AKR1C8: variants seen among roughly 807,000 people sequenced by gnomAD.
The protein encoded by AKR1C8 is aldo-keto reductase family 1 member C-like protein 1.
At chr10:5,122,423 T>G in the AKR1C8 span, among the ~76,000 whole-genome samples, 1 of 151,978 alleles carries the variant, frequency 6.6e-6, no homozygotes, top group Non-Finnish European at 1.5e-5. Flanking sequence ...TTCTAGAAAA[T>G]TGCTTGAGAC....
At chr10:5,134,968 G>C in the AKR1C8 span, among the ~76,000 whole-genome samples, 2 of 152,156 alleles carry the variant, frequency 1.3e-5, no homozygotes, top group African/African-American at 4.8e-5. Flanking sequence ...AGACCCCAAT[G>C]CAGAACAAAG....
the AKR1C8 span, among the ~76,000 whole-genome samples, chr10:5,125,092 T>C: frequency 6.6e-6 from 1 of 152,174 alleles, no homozygotes; most frequent in Non-Finnish European, 1.5e-5. Context: ...ACCACTTATT[T>C]AACATCTCTC....
At chr10:5,162,075 GT>G in the AKR1C8 span, 2 of 426,938 alleles carry the variant, frequency 4.7e-6, no homozygotes, top group South Asian at 3.6e-5. Flanking sequence ...TTAAAACACT[GT>G]GGTCCAAAGC....
chr10:5,146,946 G>A, the AKR1C8 span, among the ~76,000 whole-genome samples: 13 of 152,120 alleles, frequency 8.5e-5, no homozygotes, highest in African/African-American at 3.1e-4. Flanking sequence ...TACTGTCTTA[G>A]TACATTTGTG....
chr10:5,142,760 C>T, the AKR1C8 span, among the ~76,000 whole-genome samples: 2 of 151,972 alleles, frequency 1.3e-5, no homozygotes, highest in Non-Finnish European at 2.9e-5. Context: ...ACAGATCAGA[C>T]ATTACCATAA....
the AKR1C8 span, chr10:5,135,121 A>G: frequency 9.3e-6 from 2 of 214,814 alleles, no homozygotes. Flanking sequence ...AATGCCCAAC[A>G]CTGAAAATAT....
At chr10:5,119,093 T>C in the AKR1C8 span, among the ~76,000 whole-genome samples, 1 of 152,220 alleles carries the variant, frequency 6.6e-6, no homozygotes. Context: ...ATTCATAATC[T>C]ACATCCTCTA....
At chr10:5,135,871 GT>G in the AKR1C8 span, among the ~76,000 whole-genome samples, 10 of 151,908 alleles carry the variant, frequency 6.6e-5, no homozygotes, top group Non-Finnish European at 1.3e-4. Flanking sequence ...AATATTTTGG[GT>G]TTTTTTTCTT....
chr10:5,137,792 G>A, the AKR1C8 span, among the ~76,000 whole-genome samples: 1 of 152,060 alleles, frequency 6.6e-6, no homozygotes, highest in Non-Finnish European at 1.5e-5. Flanking sequence ...GCCGCCAGGG[G>A]TGACATCACA....
the AKR1C8 span, chr10:5,158,457 C>A: frequency 2.8e-5 from 10 of 360,156 alleles, no homozygotes; most frequent in Admixed American, 1.5e-4. Flanking sequence ...AGTAGTGATA[C>A]ATGGGAACAA....
the AKR1C8 span, chr10:5,160,832 CCA>C: frequency 2.1e-6 from 1 of 471,134 alleles, no homozygotes. Flanking sequence ...TCACAAAGCT[CCA>C]CAGTTTCTAA....
At chr10:5,165,207 T>C in the AKR1C8 span, among the ~76,000 whole-genome samples, 2 of 152,170 alleles carry the variant, frequency 1.3e-5, no homozygotes, top group African/African-American at 4.8e-5. Context: ...CTTTCCTCCA[T>C]GTAAAAATTC....
At chr10:5,164,679 T>C in the AKR1C8 span, among the ~76,000 whole-genome samples, 1 of 152,136 alleles carries the variant, frequency 6.6e-6, no homozygotes, top group African/African-American at 2.4e-5. Context: ...ATGCCCATCA[T>C]CCTCAGGTGT....
At chr10:5,179,291 G>GAT in the AKR1C8 span, among the ~76,000 whole-genome samples, 1 of 152,058 alleles carries the variant, frequency 6.6e-6, no homozygotes, top group African/African-American at 2.4e-5. Context: ...TTTCTTTAAG[G>GAT]ATGTTGAATA....
chr10:5,168,216 T>C, the AKR1C8 span, among the ~76,000 whole-genome samples: 1 of 151,946 alleles, frequency 6.6e-6, no homozygotes. Context: ...ACAACCCAGA[T>C]CTTTGTAAGC....
the AKR1C8 span, among the ~76,000 whole-genome samples, chr10:5,168,165 G>A: frequency 3.3e-5 from 5 of 151,998 alleles, no homozygotes; most frequent in East Asian, 1.9e-4. Flanking sequence ...GAGAGGAAAC[G>A]GTCTGAGGTT....
At chr10:5,182,034 A>G in the AKR1C8 span, among the ~76,000 whole-genome samples, 225 of 152,338 alleles carry the variant, frequency 1.5e-3, no homozygotes, top group African/African-American at 4.7e-3. Flanking sequence ...TCACTAAAAA[A>G]TTACTGATCA....
chr10:5,121,986 C>A, the AKR1C8 span: 2 of 223,002 alleles, frequency 9.0e-6, no homozygotes, highest in East Asian at 1.6e-4. Context: ...TCACCCCATG[C>A]CTGAATTCAG....
At chr10:5,173,108 T>C in the AKR1C8 span, among the ~76,000 whole-genome samples, 2 of 152,132 alleles carry the variant, frequency 1.3e-5, no homozygotes, top group African/African-American at 2.4e-5. Context: ...TTTTCTATTT[T>C]CCCAGGGAGT....
Sources: gnomAD v4.1 joint callset for allele counts (sites outside exome capture counted in the v4.1 genomes callset) on GRCh38, gnomAD v4.1.1 for gene constraint, MANE v1.5 for transcripts, NCBI Gene and HGNC (gene_info 2026-07-23, HGNC 2026-07-21) for gene names.